The following CSMD2 variants were observed in gnomAD, a reference collection of about 807,000 sequenced individuals.
CSMD2 encodes the protein CUB and sushi domain-containing protein 2.
A neutral mutation model predicts 398.5 loss-of-function variants in CSMD2; 130 were observed. The ratio of observed to expected loss-of-function variants is 0.33; its 90% CI spans 0.28 to 0.38. The LOEUF is 0.38. CSMD2 is among the 10% of genes least tolerant of loss of function. CSMD2 has a pLI of 1.00. For synonymous variants in CSMD2, 1,828 were observed against 1,908.5 expected (o/e 0.96, Z 1.10); for missense variants, 3,829 against 4,764.9 (o/e 0.80, Z 5.78).
At chr1:33,674,522 C>G (rs919959697) in intron 25 of CSMD2, among the ~76,000 whole-genome samples, 1 of 152,120 alleles carries the variant, frequency 6.6e-6, no homozygotes, top group Non-Finnish European at 1.5e-5. Flanking sequence ...GACTTTAACA[C>G]CCCACTGTCA....
At chr1:33,922,298 G>A (rs777513822) in intron 4 of CSMD2, among the ~76,000 whole-genome samples, 1 of 152,180 alleles carries the variant, frequency 6.6e-6, no homozygotes, top group Non-Finnish European at 1.5e-5. Flanking sequence ...ATACCTGAAA[G>A]AAGAGAAGGT....
chr1:33,968,769 C>T (rs886781128), intron 3 of CSMD2, among the ~76,000 whole-genome samples: 2 of 152,230 alleles, frequency 1.3e-5, no homozygotes, highest in Non-Finnish European at 2.9e-5. Flanking sequence ...TCCTGACCCA[C>T]AGAAACTGAG....
At chr1:34,151,263 A>T (rs1383866818) in intron 1 of CSMD2, among the ~76,000 whole-genome samples, 1 of 152,026 alleles carries the variant, frequency 6.6e-6, no homozygotes, top group Admixed American at 6.6e-5. Context: ...ATGACCCCCA[A>T]CCCAGGGCCA....
At chr1:33,832,570 C>T (rs1164392438) in intron 6 of CSMD2, among the ~76,000 whole-genome samples, 1 of 150,006 alleles carries the variant, frequency 6.7e-6, no homozygotes. Flanking sequence ...AATTGACACC[C>T]TAGCATCACA....
rs112479196 is a variant in CSMD2 at position 33,853,690 on chromosome 1, G to T, written c.921-6694C>A. ...TGCCTGTTGGCAGCAGTTGCTGGGG[G>T]TGCCATGGGCACCAGTCAGGAAGAT... is the stretch of plus-strand genomic sequence containing the variant. On this transcript the variant is annotated intron_variant, in intron 5 of 70. Transcript: ENST00000373381. Among the ~76,000 whole-genome samples the T allele has an allele frequency of 5.5e-3, 842 of 152,304 alleles. 9 individuals are homozygous for T. Among genetic ancestry groups the T allele is most frequent in the African/African-American group, 0.019 (799 of 41,556 alleles).
intron 2 of CSMD2, among the ~76,000 whole-genome samples, chr1:34,062,982 A>G (rs1329216954): frequency 6.6e-6 from 1 of 152,172 alleles, no homozygotes; most frequent in Non-Finnish European, 1.5e-5. Context: ...CACTTCTTAC[A>G]TGGCGGCAAC....
chr1:34,126,839 G>A (rs371647296), intron 1 of CSMD2, among the ~76,000 whole-genome samples: 1 of 151,782 alleles, frequency 6.6e-6, no homozygotes, highest in Non-Finnish European at 1.5e-5. Context: ...GAGAGAGACG[G>A]GCAGGGGAGG....
intron 55 of CSMD2, among the ~76,000 whole-genome samples, chr1:33,552,271 T>A (rs1479687951): frequency 6.6e-6 from 1 of 152,140 alleles, no homozygotes; most frequent in East Asian, 1.9e-4. Flanking sequence ...TAGGAAAGAA[T>A]ATGGAGAAAT....
intron 1 of CSMD2, among the ~76,000 whole-genome samples, chr1:34,153,761 G>A (rs1224837900): frequency 6.6e-6 from 1 of 152,204 alleles, no homozygotes; most frequent in Non-Finnish European, 1.5e-5. Context: ...GAAGGTTCTA[G>A]AACTCCTCAG....
At chr1:33,984,059 C>G (rs1041631391) in intron 3 of CSMD2, among the ~76,000 whole-genome samples, 3 of 152,028 alleles carry the variant, frequency 2.0e-5, no homozygotes, top group Non-Finnish European at 2.9e-5. Context: ...GAGGCTGAGG[C>G]AGGAGAATGG....
intron 10 of CSMD2, among the ~76,000 whole-genome samples, chr1:33,796,202 A>G (rs971997642): frequency 6.6e-6 from 1 of 152,212 alleles, no homozygotes; most frequent in Non-Finnish European, 1.5e-5. Context: ...ATCTTCTCTT[A>G]TGCGATTTCA....
intron 10 of CSMD2, among the ~76,000 whole-genome samples, chr1:33,809,045 C>A (rs1656557296): frequency 1.3e-5 from 2 of 151,248 alleles, no homozygotes; most frequent in Admixed American, 6.6e-5. Flanking sequence ...AGTCTAAAAT[C>A]TTCAAACAAA....
At chr1:33,768,446 T>C (rs1221960405) in intron 13 of CSMD2, among the ~76,000 whole-genome samples, 43 of 152,108 alleles carry the variant, frequency 2.8e-4, no homozygotes, top group Non-Finnish European at 2.9e-5. Context: ...GTGCTAAGTT[T>C]GAGAAACTCT....
At chr1:33,819,444 C>G (rs115524376) in intron 9 of CSMD2, among the ~76,000 whole-genome samples, 1 of 152,160 alleles carries the variant, frequency 6.6e-6, no homozygotes, top group Non-Finnish European at 1.5e-5. Context: ...CTGTTTCTTA[C>G]GTGCCTCACC....
At chr1:34,059,870 A>T (rs1349001890) in intron 2 of CSMD2, among the ~76,000 whole-genome samples, 1 of 151,330 alleles carries the variant, frequency 6.6e-6, no homozygotes, top group African/African-American at 2.4e-5. Flanking sequence ...GTCAACCACC[A>T]CTCCCTTGGA....
At chr1:33,570,591 T>C (rs1236549530) in intron 51 of CSMD2, among the ~76,000 whole-genome samples, 2 of 152,146 alleles carry the variant, frequency 1.3e-5, no homozygotes, top group Non-Finnish European at 2.9e-5. Flanking sequence ...CACATAAATA[T>C]GATGAGCATA....
In CSMD2 at chr1:33,626,502, G is replaced by A; in HGVS notation, c.5280C>T (p.Phe1760=). Reference sequence around the variant, plus strand: ...CCTCCATACCTTGGTAGACAAAGTGGAAGCCTCTGGCTGGTGCGAGGCCTT... The same window carrying A: ...CCTCCATACCTTGGTAGACAAAGTGAAAGCCTCTGGCTGGTGCGAGGCCTT... ...SAKGLAPARG[F]HFVYQAVPRT... is the part of the protein sequence containing the mutation. Residue 1760 remains phenylalanine, a synonymous_variant, in exon 33 of 71, where the codon TTC becomes TTT. Transcript: ENST00000373381. 6.2e-7 allele frequency: 1 copy of A among 1,607,072 alleles called. No homozygotes were observed. Among genetic ancestry groups the A allele is most frequent in the Non-Finnish European group, 8.5e-7 (1 of 1,177,222 alleles).
intron 7 of CSMD2, among the ~76,000 whole-genome samples, chr1:33,821,622 C>T (rs1003017011): frequency 6.6e-6 from 1 of 152,216 alleles, no homozygotes; most frequent in African/African-American, 2.4e-5. Context: ...CACTCACCCA[C>T]TTGCTCACAT....
At chr1:33,877,193 G>T (rs1182912173) in intron 5 of CSMD2, among the ~76,000 whole-genome samples, 1 of 152,226 alleles carries the variant, frequency 6.6e-6, no homozygotes, top group Non-Finnish European at 1.5e-5. Flanking sequence ...AAGCTGTTCA[G>T]GATGGCTATG....
Sources: gnomAD v4.1 joint callset for allele counts (sites outside exome capture counted in the v4.1 genomes callset) on GRCh38, gnomAD v4.1.1 for gene constraint, MANE v1.5 for transcripts, NCBI Gene and HGNC (gene_info 2026-07-23, HGNC 2026-07-21) for gene names.